The following TMEM178B variants were observed in gnomAD, a reference collection of about 807,000 sequenced individuals.
TMEM178B encodes transmembrane protein 178B.
In TMEM178B, 5 loss-of-function variants were observed where a neutral mutation model predicts 31.0. The observed-to-expected ratio is 0.16, with a 90% confidence interval of 0.08 to 0.34. The LOEUF (loss-of-function observed/expected upper bound fraction) is 0.34, where lower values mean the gene tolerates loss of function less well. TMEM178B is among the 10% of genes least tolerant of loss of function. The probability of loss-of-function intolerance (pLI) is 1.00; values close to 1 mark genes in which losing one functional copy is unlikely to be tolerated. For missense variants in TMEM178B, 275 were observed against 400.3 expected (o/e 0.69, Z 2.67); for synonymous variants, 164 against 164.0 (o/e 1.00, Z 0.00).
chr7:141,505,495 A>G, the TMEM178B span, among the ~76,000 whole-genome samples: 1 of 152,140 alleles, frequency 6.6e-6, no homozygotes, highest in South Asian at 2.1e-4. Context: ...TCTGGAGGCT[A>G]GTTTTTGCCC....
chr7:141,433,590 G>T (rs544122996), intron 2 of TMEM178B, among the ~76,000 whole-genome samples: 1 of 151,884 alleles, frequency 6.6e-6, no homozygotes, highest in Admixed American at 6.6e-5. Context: ...TTTTTCAATC[G>T]GCCGTTATAA....
chr7:141,386,646 G>A (rs1387331530), intron 2 of TMEM178B, among the ~76,000 whole-genome samples: 1 of 152,154 alleles, frequency 6.6e-6, no homozygotes, highest in Non-Finnish European at 1.5e-5. Context: ...ATTCTAGGGG[G>A]ATGTCATGAG....
chr7:141,216,315 G>A (rs1256091977), intron 2 of TMEM178B, among the ~76,000 whole-genome samples: 5 of 152,058 alleles, frequency 3.3e-5, no homozygotes, highest in Admixed American at 3.3e-4. Context: ...CTTATGGTCG[G>A]GTGACTAGCA....
At chr7:141,135,638 C>T (rs1795663864) in intron 1 of TMEM178B, among the ~76,000 whole-genome samples, 1 of 151,994 alleles carries the variant, frequency 6.6e-6, no homozygotes, top group Admixed American at 6.6e-5. Context: ...AACCATTGGA[C>T]CAGTGAAGAT....
rs548689083 is a variant in TMEM178B, at chr7:141,450,470, A to T, written c.634+12725A>T. Among the ~76,000 whole-genome samples, 11 of 152,276 alleles carry T rather than the reference A, an allele frequency of 7.2e-5. No individual in the cohort carries two copies. The South Asian group carries it at 2.3e-3, about 32-fold the overall frequency. ...AGCTGTTTTCTTTTTCAGGACTGAA[A>T]CCCTTAAGTGCAAAATTATTAAAAC... On this transcript the variant is annotated intron_variant, in intron 3 of 3. Transcript: ENST00000565468.
Position 141,384,246 on chromosome 7 carries a change from G to T in TMEM178B, c.497-53362G>T, listed in dbSNP as rs554494401. 3.7e-3 allele frequency among the ~76,000 whole-genome samples: 558 copies of T among 152,210 alleles called. 2 individuals are homozygous for T. Among genetic ancestry groups the T allele is most frequent in the Middle Eastern group, 0.017 (5 of 294 alleles). ...AATTAGATCCCATTTGTCAATTTTG[G>T]CTTTTGTTGCCATTGCTTTTGGTGT... On this transcript the variant is annotated intron_variant, in intron 2 of 3. Coordinates refer to ENST00000565468, the MANE Select transcript of TMEM178B (RefSeq NM_001195278.2).
At chr7:141,099,670 G>C (rs1467010242) in intron 1 of TMEM178B, among the ~76,000 whole-genome samples, 2 of 152,138 alleles carry the variant, frequency 1.3e-5, no homozygotes, top group Non-Finnish European at 2.9e-5. Flanking sequence ...TGTATCAACT[G>C]CATTCATGCG....
chr7:141,489,757 A>G, the TMEM178B span, among the ~76,000 whole-genome samples: 107 of 152,214 alleles, frequency 7.0e-4, no homozygotes, highest in Non-Finnish European at 1.2e-3. Flanking sequence ...AAAGCAGTTG[A>G]GAAAAACTGA....
At chr7:141,377,566 G>A (rs1001783162) in intron 2 of TMEM178B, among the ~76,000 whole-genome samples, 11 of 151,976 alleles carry the variant, frequency 7.2e-5, no homozygotes, top group Non-Finnish European at 1.2e-4. Context: ...GGCTACTCAA[G>A]AGGCTAAGAC....
intron 2 of TMEM178B, chr7:141,431,028 C>T (rs1801417150): frequency 6.6e-6 from 1 of 152,220 alleles, no homozygotes; most frequent in African/African-American, 2.4e-5. Flanking sequence ...GACCATGGCT[C>T]TGCTGGCCTC....
At chr7:141,271,409 G>A (rs1352344664) in intron 2 of TMEM178B, among the ~76,000 whole-genome samples, 1 of 152,180 alleles carries the variant, frequency 6.6e-6, no homozygotes, top group African/African-American at 2.4e-5. Context: ...CCTCTTAGGA[G>A]CTTTTTGGTC....
the TMEM178B span, among the ~76,000 whole-genome samples, chr7:141,497,724 A>G: frequency 6.6e-6 from 1 of 152,156 alleles, no homozygotes; most frequent in Admixed American, 6.5e-5. Flanking sequence ...CTGTCTCTAA[A>G]TTTACCACTT....
At chr7:141,247,899 A>G (rs1157843335) in intron 2 of TMEM178B, among the ~76,000 whole-genome samples, 1 of 152,014 alleles carries the variant, frequency 6.6e-6, no homozygotes, top group Non-Finnish European at 1.5e-5. Flanking sequence ...AAATCTGGCA[A>G]CCTTAATTAA....
chr7:141,251,456 T>C (rs1023221326), intron 2 of TMEM178B, among the ~76,000 whole-genome samples: 3 of 152,090 alleles, frequency 2.0e-5, no homozygotes, highest in Admixed American at 6.5e-5. Context: ...GAAAGAGCAA[T>C]GTACCCTCAT....
intron 1 of TMEM178B, among the ~76,000 whole-genome samples, chr7:141,184,764 T>C (rs1796582164): frequency 6.6e-6 from 1 of 152,232 alleles, no homozygotes; most frequent in East Asian, 1.9e-4. Context: ...CACTATGATC[T>C]ATTGTCCTTG....
chr7:141,271,337 G>A (rs1164753011), intron 2 of TMEM178B, among the ~76,000 whole-genome samples: 2 of 152,176 alleles, frequency 1.3e-5, no homozygotes, highest in Admixed American at 1.3e-4. Flanking sequence ...AAGGAATGAG[G>A]GGGCAAAGAT....
chr7:141,337,086 C>A, intron 2 of TMEM178B, among the ~76,000 whole-genome samples: 1 of 57,750 alleles, frequency 1.7e-5, no homozygotes, highest in Non-Finnish European at 3.1e-5. Flanking sequence ...ACCACCACCC[C>A]CATCACTACC....
At chr7:141,272,024 C>A (rs184363405) in intron 2 of TMEM178B, among the ~76,000 whole-genome samples, 66 of 152,288 alleles carry the variant, frequency 4.3e-4, no homozygotes, top group Middle Eastern at 3.4e-3. Flanking sequence ...CTTCAGTGCT[C>A]AGTTCAAGTC....
At chr7:141,263,463 C>T (rs1798046803) in intron 2 of TMEM178B, among the ~76,000 whole-genome samples, 1 of 152,122 alleles carries the variant, frequency 6.6e-6, no homozygotes. Context: ...TCCCAAATAA[C>T]CCAGAGATAG....
Sources: gnomAD v4.1 joint callset for allele counts (sites outside exome capture counted in the v4.1 genomes callset) on GRCh38, gnomAD v4.1.1 for gene constraint, MANE v1.5 for transcripts, NCBI Gene and HGNC (gene_info 2026-07-23, HGNC 2026-07-21) for gene names.